TENM4: variants seen among roughly 807,000 people sequenced by gnomAD.
The protein encoded by TENM4 is teneurin-4.
In TENM4, 82 loss-of-function variants were observed where a neutral mutation model predicts 243.3. The observed-to-expected ratio is 0.34, with a 90% CI of 0.28 to 0.40. The LOEUF is 0.40. Among genes scored for constraint, TENM4 ranks in the 10% least tolerant of loss-of-function variants. The probability of loss-of-function intolerance (pLI) is 1.00; values close to 1 mark genes in which losing one functional copy is unlikely to be tolerated. For missense variants in TENM4, 3,138 were observed against 3,673.3 expected (o/e 0.85, Z 3.77); for synonymous variants, 1,412 against 1,456.3 (o/e 0.97, Z 0.69).
intron 3 of TENM4, among the ~76,000 whole-genome samples, chr11:79,188,220 T>C (rs1009254564): frequency 1.3e-5 from 2 of 152,174 alleles, no homozygotes; most frequent in Non-Finnish European, 2.9e-5. Flanking sequence ...TCACTTGTCA[T>C]GGGAATTTGG....
chr11:78,908,045 A>G (rs1565120826), intron 6 of TENM4, among the ~76,000 whole-genome samples: 1 of 152,286 alleles, frequency 6.6e-6, no homozygotes, highest in East Asian at 1.9e-4. Flanking sequence ...GTCCTCCAAC[A>G]CGTTAGGCAG....
rs750766943 is a variant in TENM4 at position 78,712,608 on chromosome 11, C to T, written c.3928G>A (p.Val1310Met). Residue 1310 changes from valine (V) to methionine (M), a missense_variant, in exon 26 of 34, where the codon GTG becomes ATG. Val to Met is a conservative substitution (Grantham distance 21). This residue lies in a region of TENM4 where 2,467 missense variants were observed against 3,059.1 expected (regional missense o/e 0.81). Transcript: ENST00000278550. ...RRVFKIKSTV[V>M]VKDLVKNSEV... ...GAGTTCTTGACAAGGTCCTTCACCA[C>T]CACAGTGGACTTGATTTTAAAGACC... 6 of 1,614,000 alleles carry T rather than the reference C, an allele frequency of 3.7e-6. No individual in the cohort carries two copies. The South Asian group carries it at 5.5e-5, about 15-fold the overall frequency.
intron 19 of TENM4, among the ~76,000 whole-genome samples, chr11:78,751,498 A>G (rs944612386): frequency 6.6e-6 from 1 of 152,110 alleles, no homozygotes; most frequent in African/African-American, 2.4e-5. Flanking sequence ...TCCTCAAATA[A>G]TGATTCAACA....
At chr11:79,164,579 T>G (rs990286879) in intron 3 of TENM4, among the ~76,000 whole-genome samples, 34 of 145,428 alleles carry the variant, frequency 2.3e-4, no homozygotes, top group Non-Finnish European at 2.1e-4. Flanking sequence ...ATACTATATA[T>G]ATACATATAT....
intron 1 of TENM4, among the ~76,000 whole-genome samples, chr11:79,391,104 T>C (rs893764793): frequency 2.0e-5 from 3 of 152,164 alleles, no homozygotes; most frequent in African/African-American, 4.8e-5. Flanking sequence ...CTATGTGAAC[T>C]TGGGGGAGTC....
chr11:78,997,743 C>T (rs887641784), intron 6 of TENM4, among the ~76,000 whole-genome samples: 2 of 152,164 alleles, frequency 1.3e-5, no homozygotes, highest in South Asian at 2.1e-4. Context: ...TCTGGACTGG[C>T]GTCTATTATG....
chr11:79,015,246 CAG>C (rs1858742372), intron 6 of TENM4, among the ~76,000 whole-genome samples: 1 of 152,170 alleles, frequency 6.6e-6, no homozygotes, highest in Non-Finnish European at 1.5e-5. Flanking sequence ...AGAATTGAAT[CAG>C]AGCTGGGATT....
chr11:79,034,259 C>T (rs778864756), intron 6 of TENM4, among the ~76,000 whole-genome samples: 3 of 152,156 alleles, frequency 2.0e-5, no homozygotes, highest in Non-Finnish European at 4.4e-5. Flanking sequence ...AAACTACCAC[C>T]CTGAAGTGTG....
At chr11:79,190,468 C>T (rs1863458404) in intron 3 of TENM4, among the ~76,000 whole-genome samples, 1 of 152,126 alleles carries the variant, frequency 6.6e-6, no homozygotes. Flanking sequence ...TCTTTAAGAC[C>T]TTCAAGACCT....
At chr11:78,855,849 A>G in intron 11 of TENM4, 115 bp downstream of exon 11, 1 of 1,008,878 alleles carries the variant, frequency 9.9e-7, no homozygotes, top group Non-Finnish European at 1.4e-6. Context: ...AATGGGCTAT[A>G]AAATATATAA....
intron 18 of TENM4, among the ~76,000 whole-genome samples, chr11:78,758,026 A>C (rs2135957556): frequency 6.6e-6 from 1 of 152,324 alleles, no homozygotes; most frequent in Middle Eastern, 3.4e-3. Flanking sequence ...TTTTACAGGC[A>C]CCTAATATTA....
chr11:79,414,787 C>T (rs906590487), intron 1 of TENM4, among the ~76,000 whole-genome samples: 2 of 152,246 alleles, frequency 1.3e-5, no homozygotes, highest in African/African-American at 4.8e-5. Context: ...GGAACCCAAC[C>T]AAGCAGCCCT....
chr11:78,688,325 C>CT lies in TENM4; in HGVS notation c.5088-100dup, dbSNP rs1858736598. On this transcript the variant is annotated intron_variant, in intron 28 of 33. Transcript: ENST00000278550. ...CATGCCATGGTTTTGCTGTGCTCTGCTTTTCTTTCTGGCTGGATACATTCC... is the reference window on the plus strand; with the variant it reads ...CATGCCATGGTTTTGCTGTGCTCTGCTTTTTCTTTCTGGCTGGATACATTCC... 3.0e-6 allele frequency: 4 copies of CT among 1,336,716 alleles called. No homozygotes were observed. In the East Asian group the frequency reaches 9.5e-5, roughly 32 times the overall value. The allele number at this position is 1,336,716 out of a possible 1,614,324, so 82.8% of individuals were successfully genotyped here.
intron 1 of TENM4, among the ~76,000 whole-genome samples, chr11:79,345,516 G>A (rs180931473): frequency 5.3e-5 from 8 of 152,304 alleles, no homozygotes; most frequent in Non-Finnish European, 8.8e-5. Context: ...ATGGCCAAGT[G>A]TATCAAGAGG....
intron 26 of TENM4, among the ~76,000 whole-genome samples, chr11:78,709,063 G>C (rs1432088694): frequency 6.7e-6 from 1 of 149,350 alleles, no homozygotes; most frequent in Non-Finnish European, 1.5e-5. Flanking sequence ...TGCCTCCCAG[G>C]TTCAAGCAAT....
chr11:79,030,732 C>T (rs1055321197), intron 6 of TENM4, among the ~76,000 whole-genome samples: 1 of 152,168 alleles, frequency 6.6e-6, no homozygotes, highest in Non-Finnish European at 1.5e-5. Context: ...CTGCCCAGCC[C>T]AGCCGACTCC....
At chr11:79,065,081 C>T in intron 5 of TENM4, 74 bp from the exon 6 acceptor site, 1 of 1,425,716 alleles carries the variant, frequency 7.0e-7, no homozygotes, top group Non-Finnish European at 9.2e-7. Flanking sequence ...TGAAGCCTGG[C>T]CTTCTTACCC....
chr11:79,238,667 T>TCC (rs1864527161), intron 2 of TENM4, among the ~76,000 whole-genome samples: 1 of 144,498 alleles, frequency 6.9e-6, no homozygotes, highest in Non-Finnish European at 1.5e-5. Context: ...AATCTCTTTC[T>TCC]CTCTCTCTCT....
chr11:78,705,083 AT>A (rs1466430933), intron 27 of TENM4, among the ~76,000 whole-genome samples: 1 of 152,246 alleles, frequency 6.6e-6, no homozygotes, highest in African/African-American at 2.4e-5. Flanking sequence ...TTTTGGCTGC[AT>A]CAGGAACACA....
Sources: gnomAD v4.1 joint callset for allele counts (sites outside exome capture counted in the v4.1 genomes callset) on GRCh38, gnomAD v4.1.1 for gene constraint, gnomAD v4.1.1 regional missense constraint, MANE v1.5 for transcripts, NCBI Gene and HGNC (gene_info 2026-07-23, HGNC 2026-07-21) for gene names.